Variants in NUP210 observed in about 807,000 individuals in gnomAD.
NUP210 encodes nuclear pore membrane glycoprotein 210.
In NUP210, 151 loss-of-function variants were observed where a neutral mutation model predicts 196.0. The observed-to-expected ratio is 0.77, with a 90% confidence interval of 0.67 to 0.88. NUP210 has a LOEUF of 0.88. NUP210 is among the 40% of genes least tolerant of loss of function. The pLI, the probability that NUP210 is intolerant of heterozygous loss-of-function variation, is 0.00. For missense variants in NUP210, 2,314 were observed against 2,493.7 expected, an observed-to-expected ratio of 0.93 and a Z score of 1.53; for synonymous variants, 1,070 against 1,052.7, an observed-to-expected ratio of 1.02 and a Z score of -0.32.
chr3:13,394,441 C>A (rs1049084958), intron 3 of NUP210, among the ~76,000 whole-genome samples: 7 of 152,364 alleles, frequency 4.6e-5, no homozygotes, highest in African/African-American at 1.7e-4. Flanking sequence ...TGGCTTCTGG[C>A]CAAAAGGGCA....
intron 37 of NUP210, 76 bp from the exon 38 acceptor site, chr3:13,319,401 T>C: frequency 8.1e-7 from 1 of 1,236,062 alleles, no homozygotes; most frequent in Non-Finnish European, 1.2e-6. Flanking sequence ...TGCCCTACTG[T>C]ACGTCTACAG....
In NUP210 at chr3:13,317,671, T is replaced by C. The variant is rs764450589; in HGVS notation, c.*10A>G. The C allele has an allele frequency of 3.1e-6, 5 of 1,592,818 alleles. No individual in the cohort carries two copies. In the African/African-American group the frequency reaches 4.0e-5, roughly 13 times the overall value. The stretch of plus-strand genomic sequence containing the variant: ...GGCTGAGACCCATCCTCCGGGAACC[T>C]TCACGCGGCCTAGTGGGAGGCATAG... On this transcript the variant is annotated 3_prime_UTR_variant, in exon 40 of 40. Coordinates refer to ENST00000254508, the MANE Select transcript of NUP210 (RefSeq NM_024923.4).
chr3:13,397,262 G>A (rs1699688376), intron 3 of NUP210, 95 bp downstream of exon 3: 1 of 1,443,108 alleles, frequency 6.9e-7, no homozygotes, highest in African/African-American at 1.5e-5. Flanking sequence ...AGGGTTGGAT[G>A]CCAGAGGAGT....
At chr3:13,338,550 A>T (rs73148067) in intron 25 of NUP210, among the ~76,000 whole-genome samples, 5,601 of 152,222 alleles carry the variant, frequency 0.037, 154 homozygotes, top group East Asian at 0.074. Flanking sequence ...AAGTGCTTGA[A>T]AAGCACCCAT....
chr3:13,416,715 G>A (rs1559353617), intron 1 of NUP210, among the ~76,000 whole-genome samples: 2 of 152,352 alleles, frequency 1.3e-5, no homozygotes, highest in Non-Finnish European at 1.5e-5. Context: ...CCAGCAGAAA[G>A]GTGCTCAGAC....
At chr3:13,338,064 G>C in intron 25 of NUP210, 147 bp from the exon 26 acceptor site, 1 of 723,184 alleles carries the variant, frequency 1.4e-6, no homozygotes, top group Non-Finnish European at 2.2e-6. Context: ...CTCCTCTGCC[G>C]AGGGAGGCCT....
At chr3:13,373,967 C>A in intron 11 of NUP210, 94 bp from the exon 12 acceptor site, 1 of 1,365,820 alleles carries the variant, frequency 7.3e-7, no homozygotes, top group Non-Finnish European at 1.0e-6. Context: ...CATGCACGTA[C>A]TCACACTCAT....
chr3:13,392,331 A>G (rs888541705), intron 3 of NUP210, among the ~76,000 whole-genome samples: 2 of 152,158 alleles, frequency 1.3e-5, no homozygotes, highest in Non-Finnish European at 2.9e-5. Flanking sequence ...TAATGAAGAG[A>G]GGCATCTTCT....
intron 1 of NUP210, among the ~76,000 whole-genome samples, chr3:13,414,724 G>A (rs1429834710): frequency 3.3e-5 from 5 of 152,140 alleles, no homozygotes; most frequent in South Asian, 2.1e-4. Flanking sequence ...CTCCTAGTTC[G>A]ACTCCCAGGA....
Position 13,347,460 on chromosome 3 carries a change from A to C in NUP210, c.2836-4157T>G. The C allele has an allele frequency of 2.4e-6, 1 of 411,030 alleles. No homozygotes were observed. Among genetic ancestry groups the C allele is most frequent in the Non-Finnish European group, 3.3e-6 (1 of 304,936 alleles). The allele number at this position is 411,030 out of a possible 1,614,324, so 25.5% of individuals were successfully genotyped here. A position where few individuals can be genotyped will look rare whatever the true frequency, so the allele number is the denominator to read the frequency against. On this transcript the variant is annotated intron_variant, in intron 20 of 39. Coordinates refer to ENST00000254508, the MANE Select transcript of NUP210 (RefSeq NM_024923.4). This position sits in a 1 kb window ranked among gnomAD's most constrained non-coding sequence, Gnocchi z 4.7. ...TATGTGCAAACCAGCCGAAAACAAA[A>C]TAAAGGCCCTTACAGAGCGTTCTGG...
chr3:13,335,294 C>T (rs1697165094), intron 28 of NUP210, among the ~76,000 whole-genome samples, 160 bp downstream of exon 28: 1 of 152,318 alleles, frequency 6.6e-6, no homozygotes, highest in South Asian at 2.1e-4. Flanking sequence ...CAATCACACC[C>T]GGATGTTTAC....
Position 13,340,192 on chromosome 3 carries a change from G to T in NUP210, c.3291+44C>A. 1.9e-6 allele frequency: 3 copies of T among 1,609,584 alleles called. No homozygotes were observed. Among genetic ancestry groups the T allele is most frequent in the Non-Finnish European group, 2.5e-6 (3 of 1,177,426 alleles). On this transcript the variant is annotated intron_variant, in intron 24 of 39. Transcript: ENST00000254508. This position sits in a 1 kb window ranked among gnomAD's most constrained non-coding sequence, Gnocchi z 4.0. ...GCGGCGTGCCTGGAACCAGGTGGTG[G>T]CCTGCACTGGGGCTGGAGCAGGACG...
At chr3:13,361,393 G>A (rs905507407) in intron 14 of NUP210, among the ~76,000 whole-genome samples, 2 of 152,218 alleles carry the variant, frequency 1.3e-5, no homozygotes, top group African/African-American at 2.4e-5. Context: ...GGCAACCAGT[G>A]GTGCCCAGGG....
intron 25 of NUP210, among the ~76,000 whole-genome samples, chr3:13,338,121 C>G (rs2124855215): frequency 6.6e-6 from 1 of 152,358 alleles, no homozygotes; most frequent in East Asian, 1.9e-4. Flanking sequence ...CTGCCTCTCC[C>G]AAGGCCCCGC....
rs112594384 is a variant in NUP210, at chr3:13,353,577, T to G, written c.2605A>C (p.Ser869Arg). The G allele has an allele frequency of 6.2e-7, 1 of 1,614,084 alleles. No individual in the cohort carries two copies. Among genetic ancestry groups the G allele is most frequent in the Admixed American group, 1.7e-5 (1 of 60,014 alleles). Residue 869 changes from serine to arginine, a missense_variant, in exon 18 of 40, where the codon AGC (serine) becomes CGC (arginine). By Grantham distance (110) the Ser-to-Arg change is moderately radical (BLOSUM62 -1). Coordinates refer to ENST00000254508, the MANE Select transcript of NUP210 (RefSeq NM_024923.4). ...TATGYQESHL[S>R]SARTKQPHDP... ...ACCGGCTGCTTTGTTCTGGCAGAGC[T>G]GAGGTGGGACTCCTGGTAGCCAGTG... is the stretch of plus-strand genomic sequence containing the variant.
rs369726313 is a variant in NUP210 at position 13,345,122 on chromosome 3, T to A, written c.2836-1819A>T. On this transcript the variant is annotated intron_variant, in intron 20 of 39. Transcript: ENST00000254508. ...CGAGCACATCTTGATTGGATGAAGA[T>A]CCAGGGCCGCTGCTCTGAGTAATTC... 118 of 985,424 alleles carry A rather than the reference T, an allele frequency of 1.2e-4. 5 individuals are homozygous for A. The South Asian group carries it at 2.2e-3, about 18-fold the overall frequency. 61.0% of individuals were successfully genotyped at this position (985,424 alleles called of 1,614,324 possible). A position where few individuals can be genotyped will look rare whatever the true frequency, so the allele number is the denominator to read the frequency against.
chr3:13,365,085 C>T (rs562473134), intron 14 of NUP210, among the ~76,000 whole-genome samples: 1 of 152,332 alleles, frequency 6.6e-6, no homozygotes, highest in South Asian at 2.1e-4. Flanking sequence ...CTCTCTGCGC[C>T]TCCTGCAAGC....
At chr3:13,344,098 G>C (rs1351047756) in intron 20 of NUP210, among the ~76,000 whole-genome samples, 1 of 152,116 alleles carries the variant, frequency 6.6e-6, no homozygotes, top group Non-Finnish European at 1.5e-5. Context: ...CCCAAGGCTG[G>C]AGTGCAGTGA....
chr3:13,391,101 C>T, intron 4 of NUP210, 110 bp downstream of exon 4: 1 of 736,968 alleles, frequency 1.4e-6, no homozygotes, highest in South Asian at 1.5e-5. Context: ...TAGGAGTCTC[C>T]CAGACTCCTC....
Sources: allele counts gnomAD v4.1 joint callset (sites outside exome capture counted in the v4.1 genomes callset), GRCh38; gene constraint gnomAD v4.1.1; non-coding constraint Gnocchi (gnomAD v3.1); transcripts MANE v1.5; gene names NCBI Gene and HGNC (gene_info 2026-07-23, HGNC 2026-07-21).